Variants in TCF7 observed in about 807,000 individuals in gnomAD.
TCF7 encodes transcription factor 7, also known as T-cell-factor-7.
In TCF7, 19 loss-of-function variants were observed where a neutral mutation model predicts 46.8. The ratio of observed to expected loss-of-function variants is 0.41; its 90% confidence interval spans 0.28 to 0.60. The LOEUF (loss-of-function observed/expected upper bound fraction) is 0.60, where lower values mean the gene tolerates loss of function less well. Among genes scored for constraint, TCF7 ranks in the 20% least tolerant of loss-of-function variants. The probability of loss-of-function intolerance (pLI) is 0.35; values close to 1 mark genes in which losing one functional copy is unlikely to be tolerated. For missense variants in TCF7, 547 were observed against 504.6 expected (o/e 1.08, Z -0.81); for synonymous variants, 245 against 213.4 (o/e 1.15, Z -1.29).
chr5:134,132,923 C>T (rs182074681), intron 3 of TCF7, among the ~76,000 whole-genome samples: 1 of 152,310 alleles, frequency 6.6e-6, no homozygotes, highest in African/African-American at 2.4e-5. Context: ...TGAGGAATTC[C>T]TAGCCATGGG....
chr5:134,121,986 T>C (rs1756659550), intron 3 of TCF7, among the ~76,000 whole-genome samples: 2 of 152,196 alleles, frequency 1.3e-5, no homozygotes, highest in Non-Finnish European at 2.9e-5. Flanking sequence ...AATAGGTTTG[T>C]GGTGGGCAGT....
chr5:134,140,874 C>T (rs762470098), intron 5 of TCF7: 18 of 437,358 alleles, frequency 4.1e-5, no homozygotes, highest in South Asian at 9.6e-5. Context: ...CAGCCCCTGG[C>T]GCCCCCTACC....
In TCF7 at chr5:134,114,818, C is replaced by G. The variant is rs1346714228; in HGVS notation, c.-89C>G. 1 of 977,456 alleles carries G rather than the reference C, an allele frequency of 1.0e-6. No individual in the cohort carries two copies. The highest frequency in any genetic ancestry group is 1.8e-5 in the African/African-American group (1 of 56,580). 60.5% of individuals were successfully genotyped at this position (977,456 alleles called of 1,614,324 possible). A position where few individuals can be genotyped will look rare whatever the true frequency, so the allele number is the denominator to read the frequency against. ...CCGCCGCGATCCGAGCTCGGAGGTT[C>G]GGACTCCGGGCTCGCCGCCCCCCGG... On this transcript the variant is annotated 5_prime_UTR_variant, in exon 1 of 10. Transcript: ENST00000342854.
upstream of TCF7, among the ~76,000 whole-genome samples, chr5:134,111,650 T>C (rs1755332357): frequency 6.6e-6 from 1 of 152,064 alleles, no homozygotes; most frequent in African/African-American, 2.4e-5. Context: ...TCCCTAATCC[T>C]GTTGATGGCC....
chr5:134,141,972 G>A (rs1759851602), intron 5 of TCF7: 10 of 527,460 alleles, frequency 1.9e-5, no homozygotes, highest in Non-Finnish European at 2.8e-5. Flanking sequence ...CATCTGAATG[G>A]CAATCTATGT....
chr5:134,133,809 C>T (rs1758478200), intron 3 of TCF7, among the ~76,000 whole-genome samples: 1 of 152,154 alleles, frequency 6.6e-6, no homozygotes. Flanking sequence ...TGCGTTTTTT[C>T]CCAGTTCCCA....
rs764139053 is a variant in TCF7, at chr5:134,146,322, C to G, written c.*19C>G. The stretch of plus-strand genomic sequence containing the variant: ...GCTCTAGGCTGCCCCGGGTCCCCAG[C>G]TCCCCAGGACTCACCCTCATACCAT... On this transcript the variant is annotated 3_prime_UTR_variant, in exon 10 of 10. Transcript: ENST00000342854. The G allele has an allele frequency of 3.1e-6, 5 of 1,613,800 alleles. No homozygotes were observed. The East Asian group carries it at 1.1e-4, about 36-fold the overall frequency.
intron 3 of TCF7, among the ~76,000 whole-genome samples, chr5:134,127,211 C>T (rs1757465124): frequency 6.6e-6 from 1 of 152,214 alleles, no homozygotes; most frequent in African/African-American, 2.4e-5. Flanking sequence ...TCCTCTCACT[C>T]CCTCTCCAGG....
chr5:134,118,728 A>C (rs746974257), intron 3 of TCF7, among the ~76,000 whole-genome samples: 44 of 152,276 alleles, frequency 2.9e-4, no homozygotes, highest in Non-Finnish European at 5.0e-4. Flanking sequence ...GTAGGCTTGC[A>C]GGCAGTTACT....
intron 5 of TCF7, 43 bp from the exon 6 acceptor site, chr5:134,142,142 C>T: frequency 6.2e-7 from 1 of 1,613,098 alleles, no homozygotes; most frequent in Non-Finnish European, 8.5e-7. Context: ...AAAGGTCTGG[C>T]CCATAATTCT....
chr5:134,115,564 C>T, intron 2 of TCF7, 177 bp downstream of exon 2: 1 of 1,443,060 alleles, frequency 6.9e-7, no homozygotes, highest in Non-Finnish European at 9.1e-7. Flanking sequence ...GGTCGAGTCA[C>T]TTCCGGTGCC....
chr5:134,123,595 G>C, intron 3 of TCF7: 1 of 431,626 alleles, frequency 2.3e-6, no homozygotes, highest in Non-Finnish European at 4.7e-6. Flanking sequence ...GCAGAGGCTG[G>C]CATGCTCCAT....
In TCF7 at chr5:134,115,919, C is replaced by T. The variant is rs769300975; in HGVS notation, c.327C>T (p.Ala109=). The change falls in exon 3 of 10, where the codon GCC becomes GCT. Residue 109 remains alanine (A), a synonymous_variant. Coordinates refer to ENST00000342854, the MANE Select transcript of TCF7 (RefSeq NM_003202.5). ...CTGTGGTTTTTCCAGGCCTGAAGGC[C>T]CCGGAGTGCACCAGCGGCATGTACA... is the stretch of plus-strand genomic sequence containing the variant. ...LPEPLEDGLK[A]PECTSGMYKE... 14 of 1,613,850 alleles carry T rather than the reference C, an allele frequency of 8.7e-6. No homozygotes were observed. Among genetic ancestry groups the T allele is most frequent in the African/African-American group, 2.7e-5 (2 of 74,934 alleles).
intron 2 of TCF7, 49 bp from the exon 3 acceptor site, chr5:134,115,860 C>T: frequency 6.2e-7 from 1 of 1,612,236 alleles, no homozygotes; most frequent in Non-Finnish European, 8.5e-7. Flanking sequence ...GCCTTCAGTC[C>T]CAGCCGCTGC....
chr5:134,127,420 G>A (rs1044373977), intron 3 of TCF7, among the ~76,000 whole-genome samples: 2 of 152,260 alleles, frequency 1.3e-5, no homozygotes, highest in East Asian at 1.9e-4. Context: ...CCTGATGGAA[G>A]GACAGTTAAG....
chr5:134,125,386 A>G (rs1049875969), intron 3 of TCF7, among the ~76,000 whole-genome samples: 3 of 151,968 alleles, frequency 2.0e-5, no homozygotes, highest in Non-Finnish European at 4.4e-5. Context: ...ACGCACACCC[A>G]CCCACCACCA....
chr5:134,144,588 G>A (rs1028255315), intron 9 of TCF7: 5 of 572,152 alleles, frequency 8.7e-6, no homozygotes, highest in Non-Finnish European at 1.6e-5. Flanking sequence ...GCGTACCTGG[G>A]TGCCCACCTT....
At position 134,147,973 on chromosome 5, in the gene TCF7, CA is replaced by C. The variant is rs57382538; in HGVS notation, c.*1694del. 0.068 allele frequency: 3,278 copies of C among 48,112 alleles called. 34 individuals carry two copies. The highest frequency in any genetic ancestry group is 0.18 in the African/African-American group (2,525 of 13,814). The allele number at this position is 48,112 out of a possible 1,614,324, so 3.0% of individuals were successfully genotyped here. ...TCTGGGTAACAGGGAGACTGCATCT[CA>C]AAAAAAAAAAAAAAAAAAAAAAAGG... On this transcript the variant is annotated 3_prime_UTR_variant, in exon 10 of 10. Coordinates refer to ENST00000342854, the MANE Select transcript of TCF7 (RefSeq NM_003202.5).
intron 3 of TCF7, among the ~76,000 whole-genome samples, chr5:134,124,957 G>A (rs1233498815): frequency 6.6e-6 from 1 of 152,214 alleles, no homozygotes; most frequent in Non-Finnish European, 1.5e-5. Context: ...TGGGAAGGAA[G>A]CCATCCCTCC....
Sources: allele counts gnomAD v4.1 joint callset (sites outside exome capture counted in the v4.1 genomes callset), GRCh38; gene constraint gnomAD v4.1.1; transcripts MANE v1.5; gene names NCBI Gene and HGNC (gene_info 2026-07-23, HGNC 2026-07-21).